Variants in ADGRL3 observed in about 807,000 individuals in gnomAD.
ADGRL3 encodes adhesion G protein-coupled receptor L3.
Under a neutral mutation model 153.5 loss-of-function variants are expected in ADGRL3, and 62 were observed. The ratio of observed to expected loss-of-function variants is 0.40; its 90% CI spans 0.33 to 0.50. The LOEUF is 0.50. Among genes scored for constraint, ADGRL3 ranks in the 20% least tolerant of loss-of-function variants. ADGRL3 has a pLI of 0.47. For missense variants in ADGRL3, 1,641 were observed against 1,859.4 expected, an observed-to-expected ratio of 0.88 and a Z score of 2.16; for synonymous variants, 710 against 672.5, an observed-to-expected ratio of 1.06 and a Z score of -0.86.
intron 1 of ADGRL3, among the ~76,000 whole-genome samples, chr4:61,374,051 A>G (rs2096573661): frequency 6.6e-6 from 1 of 152,146 alleles, no homozygotes. Context: ...TAATGCCAGT[A>G]TTACCTAACC....
At position 62,073,189 on chromosome 4, in the gene ADGRL3, A is replaced by G. The variant is rs1746192744; in HGVS notation, c.*2281A>G. Reference sequence around the variant, plus strand: ...AATCAAGTTTAGAGAATGGCCAATAATCTGTATATAGTTTATAAATACATG... The same window carrying G: ...AATCAAGTTTAGAGAATGGCCAATAGTCTGTATATAGTTTATAAATACATG... On this transcript the variant is annotated 3_prime_UTR_variant, in exon 27 of 27. Transcript: ENST00000683033. 1 of 152,166 alleles carries G rather than the reference A, an allele frequency of 6.6e-6. No homozygotes were observed. The allele number at this position is 152,166 out of a possible 1,614,324, so 9.4% of individuals were successfully genotyped here.
intron 8 of ADGRL3, among the ~76,000 whole-genome samples, chr4:61,759,356 A>G (rs1352116410): frequency 3.9e-5 from 6 of 152,032 alleles, no homozygotes; most frequent in African/African-American, 1.5e-4. Flanking sequence ...TATTTCTTGG[A>G]GGCTTTGTTC....
intron 13 of ADGRL3, among the ~76,000 whole-genome samples, chr4:61,921,956 C>T (rs1490796820): frequency 6.6e-6 from 1 of 152,126 alleles, no homozygotes; most frequent in Non-Finnish European, 1.5e-5. Flanking sequence ...AACAACTTAC[C>T]TCTTCATCAG....
intron 1 of ADGRL3, among the ~76,000 whole-genome samples, chr4:61,310,317 C>T (rs72634749): frequency 0.024 from 3,639 of 151,982 alleles, 72 homozygotes; most frequent in Non-Finnish European, 0.039. Context: ...AGGAATAGAG[C>T]GCTTAGGCTC....
Position 62,011,668 on chromosome 4 carries a change from A to G in ADGRL3, c.3395+13403A>G, listed in dbSNP as rs968294660. Among the ~76,000 whole-genome samples, 67 of 152,128 alleles carry G rather than the reference A, an allele frequency of 4.4e-4. 2 individuals are homozygous for G. Among genetic ancestry groups the G allele is most frequent in the South Asian group, 1.2e-3 (6 of 4,816 alleles). On this transcript the variant is annotated intron_variant, in intron 21 of 26. Coordinates refer to ENST00000683033, the MANE Select transcript of ADGRL3 (RefSeq NM_001387552.1). Reference sequence around the variant, plus strand: ...GTATGTCTGGATCTGTATCAAATAAATCTCTTTCTAATTATTTCTAAGCAT... The same window carrying G: ...GTATGTCTGGATCTGTATCAAATAAGTCTCTTTCTAATTATTTCTAAGCAT...
chr4:61,733,356 G>A lies in ADGRL3; in HGVS notation c.1201G>A (p.Glu401Lys). Residue 401 changes from glutamate (E) to lysine (K), a missense_variant, in exon 8 of 27, where the codon GAG becomes AAG. This residue lies in a region of ADGRL3 where 734 missense variants were observed against 797.0 expected (regional missense o/e 0.92). Coordinates refer to ENST00000683033, the MANE Select transcript of ADGRL3 (RefSeq NM_001387552.1). ...ATCTGTATATGAGGATGATGACAAT[G>A]AGGCTACTGGAAATAAGATTGACTA... ...VKSVYEDDDNEATGNKIDYIY... is the reference protein window; with the variant it reads ...VKSVYEDDDNKATGNKIDYIY... The A allele has an allele frequency of 6.2e-7, 1 of 1,613,678 alleles. No individual in the cohort carries two copies. The highest frequency in any genetic ancestry group is 8.5e-7 in the Non-Finnish European group (1 of 1,179,802).
intron 3 of ADGRL3, among the ~76,000 whole-genome samples, chr4:61,504,323 A>G (rs773212391): frequency 6.6e-6 from 1 of 152,126 alleles, no homozygotes; most frequent in Non-Finnish European, 1.5e-5. Context: ...TGATTCCTCA[A>G]AGTAGTTCAT....
chr4:61,300,459 G>A (rs1219730591), intron 1 of ADGRL3, among the ~76,000 whole-genome samples: 1 of 152,138 alleles, frequency 6.6e-6, no homozygotes, highest in East Asian at 1.9e-4. Context: ...CCTTTAGATT[G>A]CTCTGCCTTG....
intron 17 of ADGRL3, among the ~76,000 whole-genome samples, chr4:61,971,163 T>C (rs1488486948): frequency 6.6e-6 from 1 of 151,654 alleles, no homozygotes; most frequent in Non-Finnish European, 1.5e-5. Flanking sequence ...TTTATTTATT[T>C]ATTATTATTA....
At chr4:61,445,566 C>A (rs2097573403) in intron 2 of ADGRL3, among the ~76,000 whole-genome samples, 1 of 152,110 alleles carries the variant, frequency 6.6e-6, no homozygotes, top group Admixed American at 6.5e-5. Context: ...GGTAATGGAG[C>A]AGGTTAGTTA....
At chr4:61,323,527 T>C (rs113447286) in intron 1 of ADGRL3, among the ~76,000 whole-genome samples, 19,114 of 152,176 alleles carry the variant, frequency 0.13, 1,395 homozygotes, top group South Asian at 0.27. Context: ...TAGAAATTTC[T>C]TCCACCAGAC....
chr4:61,363,108 CT>C (rs2096319481), intron 1 of ADGRL3, among the ~76,000 whole-genome samples: 1 of 152,098 alleles, frequency 6.6e-6, no homozygotes. Flanking sequence ...TCTTTTAGAA[CT>C]TTACATTGAA....
intron 5 of ADGRL3, among the ~76,000 whole-genome samples, chr4:61,644,198 T>A: frequency 6.8e-6 from 1 of 147,680 alleles, no homozygotes. Context: ...TTATTAGTCT[T>A]GCTAGCGGTC....
chr4:61,995,653 G>A (rs993975751), intron 19 of ADGRL3, among the ~76,000 whole-genome samples: 1 of 152,080 alleles, frequency 6.6e-6, no homozygotes, highest in African/African-American at 2.4e-5. Context: ...TTTAAAAATT[G>A]GGGGAGTATT....
At chr4:61,811,067 G>C (rs1431050584) in intron 8 of ADGRL3, among the ~76,000 whole-genome samples, 1 of 152,066 alleles carries the variant, frequency 6.6e-6, no homozygotes, top group Non-Finnish European at 1.5e-5. Context: ...AGCCTCTTCG[G>C]AAATCAGTCT....
At position 61,202,048 on chromosome 4, in the gene ADGRL3, G is replaced by T. The variant is rs900357445; in HGVS notation, c.-240+283G>T. 6.6e-6 allele frequency: 1 copy of T among 152,650 alleles called. No individual in the cohort carries two copies. The allele number at this position is 152,650 out of a possible 1,614,324, so 9.5% of individuals were successfully genotyped here. A position where few individuals can be genotyped will look rare whatever the true frequency, so the allele number is the denominator to read the frequency against. ...GAGTGAGGGGGATAAGAGACTGGGCGCATTCGCAGCTGCACACGCTGGGGA... is the reference window on the plus strand; with the variant it reads ...GAGTGAGGGGGATAAGAGACTGGGCTCATTCGCAGCTGCACACGCTGGGGA... On this transcript the variant is annotated intron_variant, in intron 1 of 26. Coordinates refer to ENST00000683033, the MANE Select transcript of ADGRL3 (RefSeq NM_001387552.1). This position sits in a 1 kb window ranked among gnomAD's most constrained non-coding sequence, Gnocchi z 5.0.
intron 13 of ADGRL3, among the ~76,000 whole-genome samples, chr4:61,916,488 G>T (rs1048475139): frequency 6.7e-6 from 1 of 150,104 alleles, no homozygotes; most frequent in Non-Finnish European, 1.5e-5. Flanking sequence ...AAAATAGAGA[G>T]TTTTAAGTTT....
At chr4:61,312,920 T>A (rs2095065184) in intron 1 of ADGRL3, among the ~76,000 whole-genome samples, 1 of 152,170 alleles carries the variant, frequency 6.6e-6, no homozygotes, top group South Asian at 2.1e-4. Context: ...ACCCTTCACA[T>A]TAATGTTTGC....
intron 5 of ADGRL3, among the ~76,000 whole-genome samples, chr4:61,595,141 G>T (rs955170441): frequency 6.6e-6 from 1 of 152,186 alleles, no homozygotes; most frequent in Non-Finnish European, 1.5e-5. Flanking sequence ...GACTCCAAGG[G>T]CCTGATTGCT....
Sources: gnomAD v4.1 joint callset for allele counts (sites outside exome capture counted in the v4.1 genomes callset) on GRCh38, gnomAD v4.1.1 for gene constraint, gnomAD v4.1.1 regional missense constraint, Gnocchi (gnomAD v3.1) non-coding constraint, MANE v1.5 for transcripts, NCBI Gene and HGNC (gene_info 2026-07-23, HGNC 2026-07-21) for gene names.